Variants in RAB38 observed in about 807,000 individuals in gnomAD.
RAB38 encodes ras-related protein Rab-38.
RAB38 carries 15 observed loss-of-function variants against 18.4 expected under a neutral mutation model. That is an observed-to-expected ratio of 0.82 (90% CI 0.55 to 1.26). The LOEUF (loss-of-function observed/expected upper bound fraction) is 1.26. RAB38 is among the 50% of genes most tolerant of loss of function. RAB38 has a pLI of 0.00. For synonymous variants in RAB38, 101 were observed against 104.4 expected (o/e 0.97, Z 0.20); for missense variants, 294 against 267.4 (o/e 1.10, Z -0.69).
At chr11:87,817,535 T>C in the RAB38 span, 2 of 152,196 alleles carry the variant, frequency 1.3e-5, no homozygotes, top group African/African-American at 2.4e-5. Context: ...GCTTCCTGGA[T>C]TGAAGCTGCC....
At chr11:87,964,464 T>C in the RAB38 span, among the ~76,000 whole-genome samples, 3 of 152,248 alleles carry the variant, frequency 2.0e-5, no homozygotes, top group East Asian at 5.8e-4. Context: ...CCCTGTTGAC[T>C]GGCCAGAACA....
chr11:87,977,945 TTAATA>T, the RAB38 span, among the ~76,000 whole-genome samples: 1 of 113,340 alleles, frequency 8.8e-6, no homozygotes, highest in African/African-American at 3.6e-5. Flanking sequence ...ATATAATATA[TTAATA>T]TAATATATAA....
the RAB38 span, among the ~76,000 whole-genome samples, chr11:88,078,844 A>G: frequency 1.3e-5 from 2 of 151,972 alleles, no homozygotes; most frequent in Non-Finnish European, 2.9e-5. Flanking sequence ...ACAAGGATCT[A>G]TTGTATATTT....
At chr11:87,960,625 C>T in the RAB38 span, among the ~76,000 whole-genome samples, 36 of 152,106 alleles carry the variant, frequency 2.4e-4, no homozygotes, top group Admixed American at 1.6e-3. Flanking sequence ...TTATATCAGA[C>T]GCCATCCTTG....
the RAB38 span, among the ~76,000 whole-genome samples, chr11:88,069,192 G>A: frequency 3.3e-5 from 5 of 152,216 alleles, no homozygotes; most frequent in Non-Finnish European, 5.9e-5. Flanking sequence ...CTTAGCACCC[G>A]GGCCAGGAGG....
chr11:87,971,921 CGTT>C, the RAB38 span, among the ~76,000 whole-genome samples: 1,528 of 93,538 alleles, frequency 0.016, 7 homozygotes, highest in Non-Finnish European at 0.019. Context: ...TGTGTAAAAG[CGTT>C]TTTTTTTTTT....
chr11:88,092,483 C>A, the RAB38 span, among the ~76,000 whole-genome samples: 2 of 148,974 alleles, frequency 1.3e-5, no homozygotes, highest in African/African-American at 5.0e-5. Context: ...AACTGGATCT[C>A]ATATGAATTC....
At chr11:87,918,491 C>T in the RAB38 span, among the ~76,000 whole-genome samples, 1 of 152,044 alleles carries the variant, frequency 6.6e-6, no homozygotes, top group African/African-American at 2.4e-5. Flanking sequence ...ATTTACATTC[C>T]CACCAACAGT....
chr11:87,971,244 G>A, the RAB38 span, among the ~76,000 whole-genome samples: 1 of 152,066 alleles, frequency 6.6e-6, no homozygotes, highest in African/African-American at 2.4e-5. Flanking sequence ...GCTATGAGAC[G>A]CTCTGGCAGA....
the RAB38 span, among the ~76,000 whole-genome samples, chr11:87,918,186 C>T: frequency 3.9e-5 from 6 of 152,020 alleles, no homozygotes; most frequent in African/African-American, 7.2e-5. Context: ...ACACATCCTC[C>T]GGGTTCATTC....
chr11:87,949,998 T>A, the RAB38 span, among the ~76,000 whole-genome samples: 12 of 152,312 alleles, frequency 7.9e-5, no homozygotes, highest in Admixed American at 7.2e-4. Context: ...GGTGTTAAAG[T>A]CTCCCATTAT....
At chr11:87,893,194 A>C in the RAB38 span, among the ~76,000 whole-genome samples, 1 of 151,124 alleles carries the variant, frequency 6.6e-6, no homozygotes, top group Non-Finnish European at 1.5e-5. Flanking sequence ...CAGTTCTCTC[A>C]TAAGGCAGGA....
At chr11:88,047,052 C>T in the RAB38 span, among the ~76,000 whole-genome samples, 3,130 of 152,234 alleles carry the variant, frequency 0.021, 104 homozygotes, top group African/African-American at 0.07. Context: ...CAGCCGCTGC[C>T]GCCCTAATAC....
At chr11:87,964,581 A>G in the RAB38 span, among the ~76,000 whole-genome samples, 1 of 152,090 alleles carries the variant, frequency 6.6e-6, no homozygotes, top group Non-Finnish European at 1.5e-5. Context: ...TAAATAGACG[A>G]TGGGAGAAGA....
rs1200867702 is a variant in RAB38 at position 88,114,118 on chromosome 11, G to T, written c.506C>A (p.Ala169Asp). 6 of 1,613,970 alleles carry T rather than the reference G, an allele frequency of 3.7e-6. No individual in the cohort carries two copies. Among genetic ancestry groups the T allele is most frequent in the Admixed American group, 1.7e-5 (1 of 59,994 alleles). ...SAKENINIDE[A>D]SRCLVKHILA... is the part of the protein sequence containing the mutation. ...TATGTGTTTCACCAGGCATCTGGAG[G>T]CTTCATCAATGTTTATATTTTCCTA... Residue 169 changes from alanine to aspartate, a missense_variant, in exon 3 of 3, where the codon GCC becomes GAC. Coordinates refer to ENST00000243662, the MANE Select transcript of RAB38 (RefSeq NM_022337.3).
the RAB38 span, among the ~76,000 whole-genome samples, chr11:87,946,513 C>T: frequency 1.3e-5 from 2 of 151,922 alleles, no homozygotes; most frequent in Non-Finnish European, 2.9e-5. Flanking sequence ...TAGCATTAGG[C>T]GTATCTCCTA....
the RAB38 span, among the ~76,000 whole-genome samples, chr11:87,896,904 T>G: frequency 6.6e-6 from 1 of 151,624 alleles, no homozygotes; most frequent in Non-Finnish European, 1.5e-5. Context: ...TTCAGATTAG[T>G]TTTATCCTAT....
chr11:87,899,870 G>C, the RAB38 span, among the ~76,000 whole-genome samples: 2 of 151,548 alleles, frequency 1.3e-5, no homozygotes, highest in African/African-American at 4.8e-5. Flanking sequence ...TTTGAAAACA[G>C]TGCCAAAGCA....
the RAB38 span, among the ~76,000 whole-genome samples, chr11:88,070,238 G>A: frequency 1.6e-4 from 24 of 152,078 alleles, no homozygotes; most frequent in Admixed American, 8.5e-4. Flanking sequence ...CTGGACGGGA[G>A]GAGTGAACAA....
Sources: allele counts gnomAD v4.1 joint callset (sites outside exome capture counted in the v4.1 genomes callset), GRCh38; gene constraint gnomAD v4.1.1; transcripts MANE v1.5; gene names NCBI Gene and HGNC (gene_info 2026-07-23, HGNC 2026-07-21).